Variants in KCTD8 observed in about 807,000 individuals in gnomAD.
KCTD8 encodes BTB/POZ domain-containing protein KCTD8.
A neutral mutation model predicts 31.5 loss-of-function variants in KCTD8; 27 were observed. The ratio of observed to expected loss-of-function variants is 0.86; its 90% CI spans 0.63 to 1.18. The LOEUF (loss-of-function observed/expected upper bound fraction) is 1.18, where lower values mean the gene tolerates loss of function less well. KCTD8 is among the 50% of genes most tolerant of loss of function. The probability of loss-of-function intolerance (pLI) is 0.00; values close to 1 mark genes in which losing one functional copy is unlikely to be tolerated. For synonymous variants in KCTD8, 290 were observed against 280.0 expected, an observed-to-expected ratio of 1.04 and a Z score of -0.36; for missense variants, 658 against 647.7, an observed-to-expected ratio of 1.02 and a Z score of -0.17.
At chr4:44,338,189 T>G (rs1718806165) in intron 1 of KCTD8, among the ~76,000 whole-genome samples, 1 of 152,164 alleles carries the variant, frequency 6.6e-6, no homozygotes. Context: ...GTGTATTTTC[T>G]TATTTATGCT....
At chr4:44,306,203 C>G (rs914601037) in intron 1 of KCTD8, among the ~76,000 whole-genome samples, 3 of 151,758 alleles carry the variant, frequency 2.0e-5, no homozygotes, top group African/African-American at 7.3e-5. Context: ...AAAATGAAGA[C>G]AAAAACAAAT....
At chr4:44,290,410 G>C (rs981584172) in intron 1 of KCTD8, among the ~76,000 whole-genome samples, 3 of 151,946 alleles carry the variant, frequency 2.0e-5, no homozygotes, top group Non-Finnish European at 4.4e-5. Flanking sequence ...AAATCATCCA[G>C]TAAGAAAGCT....
chr4:44,268,369 A>T (rs1460381638), intron 1 of KCTD8, among the ~76,000 whole-genome samples: 1 of 152,164 alleles, frequency 6.6e-6, no homozygotes, highest in Non-Finnish European at 1.5e-5. Context: ...ACTCTCAAGA[A>T]ATTAGGTATT....
At chr4:44,200,061 T>C (rs1167459045) in intron 1 of KCTD8, among the ~76,000 whole-genome samples, 1 of 151,154 alleles carries the variant, frequency 6.6e-6, no homozygotes, top group African/African-American at 2.4e-5. Context: ...TTAGAGGAAA[T>C]AGACAAATTC....
At chr4:44,187,065 G>A (rs1395007971) in intron 1 of KCTD8, among the ~76,000 whole-genome samples, 2 of 152,148 alleles carry the variant, frequency 1.3e-5, no homozygotes, top group African/African-American at 4.8e-5. Flanking sequence ...TTAGCAGTGA[G>A]TCATAAGAAG....
intron 1 of KCTD8, among the ~76,000 whole-genome samples, chr4:44,356,324 A>T (rs548576974): frequency 6.6e-6 from 1 of 152,352 alleles, no homozygotes; most frequent in Non-Finnish European, 1.5e-5. Flanking sequence ...TACTTCTTTG[A>T]ATCATTTATT....
intron 1 of KCTD8, among the ~76,000 whole-genome samples, chr4:44,405,744 A>G (rs1720778437): frequency 7.0e-6 from 1 of 143,688 alleles, no homozygotes; most frequent in African/African-American, 2.6e-5. Context: ...AAGTATCTTA[A>G]TGGTGGTCAA....
chr4:44,234,759 G>A (rs1715226237), intron 1 of KCTD8, among the ~76,000 whole-genome samples: 1 of 152,148 alleles, frequency 6.6e-6, no homozygotes, highest in African/African-American at 2.4e-5. Context: ...GAATATTATA[G>A]ATAAGGTTCC....
At chr4:44,353,428 A>G (rs1156586898) in intron 1 of KCTD8, among the ~76,000 whole-genome samples, 1 of 152,060 alleles carries the variant, frequency 6.6e-6, no homozygotes, top group Non-Finnish European at 1.5e-5. Context: ...AAATTAGGGT[A>G]ATTAATGTAT....
At chr4:44,381,434 T>C (rs544359760) in intron 1 of KCTD8, among the ~76,000 whole-genome samples, 10 of 152,082 alleles carry the variant, frequency 6.6e-5, no homozygotes, top group African/African-American at 1.4e-4. Flanking sequence ...TGCTTAGCTA[T>C]AAAGACACAC....
intron 1 of KCTD8, among the ~76,000 whole-genome samples, chr4:44,399,274 T>G (rs1227699567): frequency 6.6e-6 from 1 of 152,094 alleles, no homozygotes; most frequent in African/African-American, 2.4e-5. Context: ...GAGTGAAAAG[T>G]AACTGATTAG....
chr4:44,421,931 A>G (rs571744868), intron 1 of KCTD8, among the ~76,000 whole-genome samples: 4 of 152,118 alleles, frequency 2.6e-5, no homozygotes, highest in Middle Eastern at 3.2e-3. Context: ...TCCTTATTTA[A>G]ATTATTCTGT....
At chr4:44,372,652 G>A (rs1719820715) in intron 1 of KCTD8, among the ~76,000 whole-genome samples, 1 of 151,790 alleles carries the variant, frequency 6.6e-6, no homozygotes. Context: ...TCAAAATCCA[G>A]AAGTTTCTGA....
intron 1 of KCTD8, among the ~76,000 whole-genome samples, chr4:44,278,016 G>A (rs1716799331): frequency 6.6e-6 from 1 of 151,940 alleles, no homozygotes; most frequent in Admixed American, 6.6e-5. Context: ...GAAGGCTCAG[G>A]GCTAAGGAAT....
In KCTD8 at chr4:44,313,695, A is replaced by G. The variant is rs553712010; in HGVS notation, c.961+133868T>C. Among the ~76,000 whole-genome samples the G allele has an allele frequency of 4.6e-5, 7 of 152,344 alleles. No individual in the cohort carries two copies. The South Asian group carries it at 1.5e-3, about 32-fold the overall frequency. ...ATTGAGTATCTACAGTTTACCAGGC[A>G]CTAGCTTAGGCAATGGAGATATGAT... On this transcript the variant is annotated intron_variant, in intron 1 of 1. Coordinates refer to ENST00000360029, the MANE Select transcript of KCTD8 (RefSeq NM_198353.3).
At chr4:44,257,903 G>A (rs1360619189) in intron 1 of KCTD8, among the ~76,000 whole-genome samples, 1 of 151,986 alleles carries the variant, frequency 6.6e-6, no homozygotes, top group African/African-American at 2.4e-5. Context: ...TAAGATTGAA[G>A]TACCTAGACA....
chr4:44,220,645 A>G (rs920506586), intron 1 of KCTD8, among the ~76,000 whole-genome samples: 1 of 152,192 alleles, frequency 6.6e-6, no homozygotes, highest in Non-Finnish European at 1.5e-5. Flanking sequence ...GCTTCTTAGT[A>G]TTGAACAGAG....
At chr4:44,387,888 C>T (rs1720263713) in intron 1 of KCTD8, among the ~76,000 whole-genome samples, 1 of 151,556 alleles carries the variant, frequency 6.6e-6, no homozygotes, top group South Asian at 2.1e-4. Flanking sequence ...AACTTAAGAG[C>T]TGCATGGCAA....
chr4:44,263,120 A>G (rs528996619), intron 1 of KCTD8, among the ~76,000 whole-genome samples: 1 of 152,228 alleles, frequency 6.6e-6, no homozygotes, highest in East Asian at 1.9e-4. Flanking sequence ...AGCAACGGAA[A>G]GCATATGGTA....
Sources: allele counts gnomAD v4.1 joint callset (sites outside exome capture counted in the v4.1 genomes callset), GRCh38; gene constraint gnomAD v4.1.1; transcripts MANE v1.5; gene names NCBI Gene and HGNC (gene_info 2026-07-23, HGNC 2026-07-21).